Variants in PDE4D observed in about 807,000 individuals in gnomAD.
The protein encoded by PDE4D is 3',5'-cyclic-AMP phosphodiesterase 4D.
A neutral mutation model predicts 87.4 loss-of-function variants in PDE4D; 24 were observed. That is an observed-to-expected ratio of 0.27 (90% CI 0.20 to 0.39). The LOEUF is 0.39. PDE4D is among the 10% of genes least tolerant of loss of function. The probability of loss-of-function intolerance (pLI) is 1.00; values close to 1 mark genes in which losing one functional copy is unlikely to be tolerated. For missense variants in PDE4D, 714 were observed against 1,041.0 expected (o/e 0.69, Z 4.32); for synonymous variants, 384 against 383.2 (o/e 1.00, Z -0.02).
chr5:59,939,835 G>A (rs1268693136), intron 3 of PDE4D, among the ~76,000 whole-genome samples: 2 of 152,090 alleles, frequency 1.3e-5, no homozygotes, highest in South Asian at 2.1e-4. Flanking sequence ...TGGAAGCGAC[G>A]GAAGAATTTA....
intron 3 of PDE4D, among the ~76,000 whole-genome samples, chr5:59,187,518 GTAT>G (rs776937453): frequency 1.3e-5 from 2 of 152,048 alleles, no homozygotes; most frequent in Non-Finnish European, 2.9e-5. Context: ...GTTCATTTTA[GTAT>G]TATTCTTTAT....
intron 1 of PDE4D, among the ~76,000 whole-genome samples, chr5:60,223,968 GT>G (rs1744798151): frequency 1.3e-5 from 2 of 152,008 alleles, no homozygotes; most frequent in African/African-American, 4.8e-5. Context: ...TTCCTGGGTA[GT>G]GTCTAAGACT....
chr5:59,332,264 T>C (rs1012333146), intron 1 of PDE4D, among the ~76,000 whole-genome samples: 4 of 152,228 alleles, frequency 2.6e-5, no homozygotes, highest in Non-Finnish European at 5.9e-5. Context: ...CAAAACAGCA[T>C]AAAATTTTTA....
chr5:59,128,015 C>CGTGTGTGTGTGTGTGTGTGTGTGT (rs55796726), intron 5 of PDE4D, among the ~76,000 whole-genome samples: 2 of 144,332 alleles, frequency 1.4e-5, no homozygotes, highest in African/African-American at 2.6e-5. Flanking sequence ...CTTTCAGAGC[C>CGTGTGTGTGTGTGTGTGTGTGTGT]GTGTGTGTGT....
chr5:59,244,516 T>C (rs1758361358), intron 1 of PDE4D, among the ~76,000 whole-genome samples: 1 of 150,832 alleles, frequency 6.6e-6, no homozygotes, highest in South Asian at 2.1e-4. Flanking sequence ...GCCAGATGAA[T>C]ATCAGGTAGG....
At chr5:60,433,164 T>C (rs1389342149) in intron 1 of PDE4D, among the ~76,000 whole-genome samples, 1 of 151,970 alleles carries the variant, frequency 6.6e-6, no homozygotes, top group Non-Finnish European at 1.5e-5. Context: ...TGGGAGAAAA[T>C]ATTTACAAAT....
chr5:60,077,971 T>A (rs1212526645), intron 2 of PDE4D, among the ~76,000 whole-genome samples: 2 of 152,118 alleles, frequency 1.3e-5, no homozygotes, highest in East Asian at 3.9e-4. Context: ...CAGCCCAGCA[T>A]CTGTGTCTTC....
intron 1 of PDE4D, among the ~76,000 whole-genome samples, chr5:59,230,200 C>T (rs894746448): frequency 1.3e-5 from 2 of 152,068 alleles, no homozygotes; most frequent in Admixed American, 1.3e-4. Flanking sequence ...ATTTTCAGTA[C>T]CCAAATTTTC....
intron 6 of PDE4D, among the ~76,000 whole-genome samples, chr5:58,994,793 A>T (rs545499828): frequency 1.6e-4 from 24 of 152,154 alleles, no homozygotes; most frequent in Non-Finnish European, 2.4e-4. Context: ...CAAACAAAAA[A>T]CCCTCAACCA....
chr5:59,016,505 C>A (rs1754044929), intron 6 of PDE4D, among the ~76,000 whole-genome samples: 1 of 150,750 alleles, frequency 6.6e-6, no homozygotes, highest in Admixed American at 6.7e-5. Flanking sequence ...ACAGCATTTC[C>A]TAGAATGTGT....
At chr5:59,250,313 CAA>C (rs10717217) in intron 1 of PDE4D, among the ~76,000 whole-genome samples, 11 of 138,046 alleles carry the variant, frequency 8.0e-5, no homozygotes, top group Admixed American at 5.8e-4. Context: ...ACTGTCTCTA[CAA>C]AAAAAAAAAC....
At position 60,407,340 on chromosome 5, in the gene PDE4D, C is replaced by T. The variant is rs574210648; in HGVS notation, c.-90+80602G>A. Among the ~76,000 whole-genome samples the T allele has an allele frequency of 9.2e-5, 14 of 151,992 alleles. No individual in the cohort carries two copies. In the South Asian group the frequency reaches 2.7e-3, roughly 29 times the overall value. ...CATGTGCAGTAAATGTAACCTGGAT[C>T]CGCGCAGTCACAAGCCTATCTCCCT... On this transcript the variant is annotated intron_variant, in intron 1 of 16. Transcript: ENST00000502484.
At chr5:60,267,607 T>C (rs1432646177) in intron 1 of PDE4D, among the ~76,000 whole-genome samples, 3 of 152,170 alleles carry the variant, frequency 2.0e-5, no homozygotes, top group African/African-American at 7.2e-5. Context: ...ATTACATCTA[T>C]GAAAGCACCT....
chr5:59,730,811 A>C (rs68068316), intron 1 of PDE4D, among the ~76,000 whole-genome samples: 13,144 of 152,224 alleles, frequency 0.086, 934 homozygotes, highest in African/African-American at 0.2. Flanking sequence ...TTTTAATAAA[A>C]GGAGGTCATG....
At chr5:60,215,955 T>C (rs1396240880) in intron 1 of PDE4D, among the ~76,000 whole-genome samples, 1 of 152,194 alleles carries the variant, frequency 6.6e-6, no homozygotes, top group African/African-American at 2.4e-5. Flanking sequence ...TTATCAATTA[T>C]CTAAATGCTG....
intron 1 of PDE4D, among the ~76,000 whole-genome samples, chr5:59,491,783 G>A (rs1806247710): frequency 6.6e-6 from 1 of 152,148 alleles, no homozygotes; most frequent in Non-Finnish European, 1.5e-5. Context: ...ATAAGATATA[G>A]AAATTGCTCT....
intron 5 of PDE4D, among the ~76,000 whole-genome samples, chr5:59,091,387 TAAAG>T (rs141677721): frequency 0.046 from 6,954 of 152,096 alleles, 529 homozygotes; most frequent in African/African-American, 0.16. Flanking sequence ...TTCAACTGCA[TAAAG>T]AAAGAAGATT....
At chr5:59,407,119 T>C (rs1224619155) in intron 1 of PDE4D, among the ~76,000 whole-genome samples, 2 of 152,180 alleles carry the variant, frequency 1.3e-5, no homozygotes, top group African/African-American at 4.8e-5. Flanking sequence ...TCCTCAGTGT[T>C]GGAGGTGGGG....
chr5:60,065,682 G>A (rs566311566), intron 2 of PDE4D, among the ~76,000 whole-genome samples: 76 of 152,020 alleles, frequency 5.0e-4, no homozygotes, highest in Non-Finnish European at 7.9e-4. Context: ...GTGAGAATAT[G>A]CGTGTTTGCT....
Sources: gnomAD v4.1 joint callset for allele counts (sites outside exome capture counted in the v4.1 genomes callset) on GRCh38, gnomAD v4.1.1 for gene constraint, MANE v1.5 for transcripts, NCBI Gene and HGNC (gene_info 2026-07-23, HGNC 2026-07-21) for gene names.